The following COL24A1 variants were observed in gnomAD, a reference collection of about 807,000 sequenced individuals.
COL24A1 encodes the protein collagen type XXIV alpha 1 chain, also known as collagen alpha-1(XXIV) chain.
COL24A1 carries 224 observed loss-of-function variants against 253.9 expected under a neutral mutation model. The observed-to-expected ratio is 0.88, with a 90% CI of 0.79 to 0.99. COL24A1 has a LOEUF of 0.99. Ranked by LOEUF, COL24A1 falls within the 50% of genes least tolerant of loss-of-function variation. The pLI is 0.00. For synonymous variants in COL24A1, 685 were observed against 673.7 expected (o/e 1.02, Z -0.26); for missense variants, 2,131 against 2,068.5 (o/e 1.03, Z -0.59).
chr1:85,760,058 GTT>G (rs34107171), intron 55 of COL24A1, among the ~76,000 whole-genome samples: 129,849 of 149,408 alleles, frequency 0.87, 57,292 homozygotes, highest in Non-Finnish European at 0.95. Flanking sequence ...GAAAGACATT[GTT>G]TTTTTTTTTT....
At chr1:85,782,936 G>A (rs1314854542) in intron 51 of COL24A1, among the ~76,000 whole-genome samples, 1 of 152,104 alleles carries the variant, frequency 6.6e-6, no homozygotes, top group Non-Finnish European at 1.5e-5. Context: ...GTAAGCACTG[G>A]TGGCTTATTT....
intron 5 of COL24A1, among the ~76,000 whole-genome samples, chr1:86,111,023 G>C (rs1343165560): frequency 6.6e-6 from 1 of 152,218 alleles, no homozygotes; most frequent in Non-Finnish European, 1.5e-5. Context: ...AGTATGGTGG[G>C]GACTTGGAGA....
chr1:85,882,348 C>CA (rs1558516491), intron 32 of COL24A1, among the ~76,000 whole-genome samples: 1 of 152,108 alleles, frequency 6.6e-6, no homozygotes, highest in Non-Finnish European at 1.5e-5. Flanking sequence ...CCTGTAGTCC[C>CA]AGCTACTTGG....
chr1:85,835,866 G>A (rs573659607), intron 43 of COL24A1, among the ~76,000 whole-genome samples: 1 of 152,214 alleles, frequency 6.6e-6, no homozygotes, highest in South Asian at 2.1e-4. Context: ...CCAAAATATG[G>A]CATCTCGGAA....
At chr1:85,783,945 G>C (rs750309385) in intron 50 of COL24A1, among the ~76,000 whole-genome samples, 168 bp downstream of exon 50, 160 of 152,102 alleles carry the variant, frequency 1.1e-3, no homozygotes, top group Non-Finnish European at 8.7e-4. Flanking sequence ...CTGGGAAAAT[G>C]TATAGTTACA....
At chr1:86,097,462 T>TC (rs1704002775) in intron 5 of COL24A1, among the ~76,000 whole-genome samples, 1 of 34,712 alleles carries the variant, frequency 2.9e-5, no homozygotes, top group East Asian at 5.3e-4. Flanking sequence ...CTCCTCTTCC[T>TC]CCCTCCTCCT....
At chr1:86,053,775 C>T (rs1700483580) in intron 10 of COL24A1, among the ~76,000 whole-genome samples, 1 of 151,962 alleles carries the variant, frequency 6.6e-6, no homozygotes, top group South Asian at 2.1e-4. Flanking sequence ...AATATTTCTG[C>T]TAATACCAAA....
intron 12 of COL24A1, among the ~76,000 whole-genome samples, chr1:86,034,971 A>G (rs1022854403): frequency 8.5e-5 from 13 of 152,172 alleles, no homozygotes; most frequent in African/African-American, 3.1e-4. Flanking sequence ...TTAGATTCTT[A>G]TAATCTCTTT....
intron 27 of COL24A1, among the ~76,000 whole-genome samples, chr1:85,907,510 G>A (rs1402095279): frequency 2.6e-5 from 4 of 151,812 alleles, no homozygotes; most frequent in Non-Finnish European, 5.9e-5. Flanking sequence ...TGACCAAGTC[G>A]TTTTCAGAAG....
At chr1:85,804,449 T>C (rs1039376484) in intron 47 of COL24A1, among the ~76,000 whole-genome samples, 4 of 152,116 alleles carry the variant, frequency 2.6e-5, no homozygotes, top group African/African-American at 7.2e-5. Flanking sequence ...CCCAAAAGGA[T>C]AGTACAGGTG....
At chr1:86,111,860 T>C (rs12057993) in intron 5 of COL24A1, among the ~76,000 whole-genome samples, 26,389 of 151,934 alleles carry the variant, frequency 0.17, 2,409 homozygotes, top group South Asian at 0.25. Flanking sequence ...ACACTAACCA[T>C]GAACGTCTGC....
chr1:85,731,097 T>C (rs1663425026), intron 59 of COL24A1, among the ~76,000 whole-genome samples: 1 of 152,246 alleles, frequency 6.6e-6, no homozygotes, highest in Admixed American at 6.5e-5. Context: ...TTTCAACCTC[T>C]GTATTTTAGG....
chr1:86,059,766 G>A (rs1347973780), intron 8 of COL24A1, among the ~76,000 whole-genome samples: 1 of 152,128 alleles, frequency 6.6e-6, no homozygotes, highest in Non-Finnish European at 1.5e-5. Context: ...TCCTAACCCT[G>A]CTGATAATGC....
intron 43 of COL24A1, among the ~76,000 whole-genome samples, chr1:85,837,745 G>A (rs908041763): frequency 1.3e-5 from 2 of 152,074 alleles, no homozygotes; most frequent in Admixed American, 1.3e-4. Context: ...GTGGGTCAGG[G>A]GAAAAGGGAA....
At chr1:85,962,197 A>G (rs1691151631) in intron 23 of COL24A1, among the ~76,000 whole-genome samples, 1 of 152,184 alleles carries the variant, frequency 6.6e-6, no homozygotes, top group Non-Finnish European at 1.5e-5. Flanking sequence ...AGGAGGTCTT[A>G]GGAGCAGGCA....
intron 12 of COL24A1, among the ~76,000 whole-genome samples, chr1:86,045,559 TA>T (rs77301491): frequency 1.4e-3 from 209 of 145,116 alleles, no homozygotes; most frequent in Middle Eastern, 6.9e-3. Context: ...AGCTAAAACA[TA>T]AAAAAAAAAA....
intron 37 of COL24A1, among the ~76,000 whole-genome samples, chr1:85,858,403 T>TTC (rs59734935): frequency 0.19 from 29,346 of 152,084 alleles, 3,360 homozygotes; most frequent in African/African-American, 0.31. Context: ...TTTTTTTCTT[T>TTC]TCTTTTTAAA....
At chr1:85,996,565 G>A (rs1462843362) in intron 19 of COL24A1, among the ~76,000 whole-genome samples, 12 of 151,936 alleles carry the variant, frequency 7.9e-5, no homozygotes, top group Admixed American at 7.9e-4. Flanking sequence ...GAACCCTGGG[G>A]GCGGAGGTTG....
At chr1:85,742,541 T>C (rs372194797) in intron 57 of COL24A1, among the ~76,000 whole-genome samples, 1 of 152,188 alleles carries the variant, frequency 6.6e-6, no homozygotes, top group Non-Finnish European at 1.5e-5. Flanking sequence ...TTACTTAGGA[T>C]CTCCTTCTTG....
Sources: gnomAD v4.1 joint callset for allele counts (sites outside exome capture counted in the v4.1 genomes callset) on GRCh38, gnomAD v4.1.1 for gene constraint, MANE v1.5 for transcripts, NCBI Gene and HGNC (gene_info 2026-07-23, HGNC 2026-07-21) for gene names.